Variants in WNT7A observed in about 807,000 individuals in gnomAD.
WNT7A encodes the protein Wnt family member 7A.
In WNT7A, 16 loss-of-function variants were observed where a neutral mutation model predicts 28.2. That is an observed-to-expected ratio of 0.57 (90% CI 0.38 to 0.86). The LOEUF is 0.86. WNT7A is among the 40% of genes least tolerant of loss of function. The pLI, the probability that WNT7A is intolerant of heterozygous loss-of-function variation, is 0.00. For synonymous variants in WNT7A, 190 were observed against 195.9 expected (o/e 0.97, Z 0.25); for missense variants, 411 against 489.7 (o/e 0.84, Z 1.52).
intron 3 of WNT7A, among the ~76,000 whole-genome samples, chr3:13,834,383 T>C (rs2124838920): frequency 6.6e-6 from 1 of 151,592 alleles, no homozygotes; most frequent in East Asian, 1.9e-4. Context: ...ATGCTGGGGG[T>C]CGGGTGCACA....
chr3:13,820,127 A>G (rs1575057719), intron 3 of WNT7A, among the ~76,000 whole-genome samples: 1 of 152,040 alleles, frequency 6.6e-6, no homozygotes, highest in East Asian at 1.9e-4. Context: ...CCCTTCCTCC[A>G]CCATCCTAAG....
intron 2 of WNT7A, among the ~76,000 whole-genome samples, chr3:13,858,102 C>A (rs1290884360): frequency 2.0e-5 from 3 of 152,208 alleles, no homozygotes. Flanking sequence ...ATGTGGGCAG[C>A]AGAGCTGAGC....
chr3:13,859,282 G>A (rs1694792318), intron 2 of WNT7A, among the ~76,000 whole-genome samples: 1 of 152,166 alleles, frequency 6.6e-6, no homozygotes, highest in Non-Finnish European at 1.5e-5. Context: ...CCTCCAAAAT[G>A]TGTGAGGGGT....
Position 13,875,139 on chromosome 3 carries a change from T to C in WNT7A, c.106A>G (p.Ile36Val). The C allele has an allele frequency of 3.7e-6, 6 of 1,614,136 alleles. No homozygotes were observed. Among genetic ancestry groups the C allele is most frequent in the Non-Finnish European group, 5.1e-6 (6 of 1,180,018 alleles). Residue 36 changes from isoleucine (I) to valine (V), a missense_variant, in exon 2 of 4, where the codon ATC becomes GTC. By Grantham distance (29) the Ile-to-Val change is conservative. Transcript: ENST00000285018. ...AGGCCTGGGATCTTGTTACAGATGA[T>C]GCTTGCGCCCAGAGCTACCACTGAG... ...FSSVVALGAS[I>V]ICNKIPGLAP...
chr3:13,863,741 G>A (rs1694869679), intron 2 of WNT7A: 1 of 152,216 alleles, frequency 6.6e-6, no homozygotes, highest in Admixed American at 6.5e-5. Flanking sequence ...CCTTGCTTCT[G>A]TCTCTCTCAC....
chr3:13,835,005 G>A (rs1328470351), intron 3 of WNT7A, among the ~76,000 whole-genome samples: 1 of 152,212 alleles, frequency 6.6e-6, no homozygotes, highest in African/African-American at 2.4e-5. Context: ...GAGTGATCAG[G>A]TAAGGAAGTG....
intron 3 of WNT7A, among the ~76,000 whole-genome samples, chr3:13,827,076 C>T (rs1192324738): frequency 6.6e-6 from 1 of 152,154 alleles, no homozygotes; most frequent in Non-Finnish European, 1.5e-5. Context: ...GGTCTGCAGG[C>T]CTGACCCAGG....
At chr3:13,864,523 G>A (rs561392750) in intron 2 of WNT7A, among the ~76,000 whole-genome samples, 1 of 152,122 alleles carries the variant, frequency 6.6e-6, no homozygotes, top group Non-Finnish European at 1.5e-5. Context: ...CCCAGTGCCT[G>A]TTTCTCTTCC....
intron 3 of WNT7A, among the ~76,000 whole-genome samples, chr3:13,845,064 AG>A (rs1303482313): frequency 3.9e-5 from 6 of 152,218 alleles, no homozygotes; most frequent in Non-Finnish European, 8.8e-5. Context: ...GGGGGCTCTC[AG>A]GGCCTCGCCA....
chr3:13,835,758 A>G (rs1694356966), intron 3 of WNT7A, among the ~76,000 whole-genome samples: 2 of 152,268 alleles, frequency 1.3e-5, no homozygotes, highest in East Asian at 1.9e-4. Flanking sequence ...AATAACCAAA[A>G]GATGAAACAA....
intron 1 of WNT7A, among the ~76,000 whole-genome samples, chr3:13,878,375 G>T (rs945239077): frequency 2.0e-4 from 30 of 152,172 alleles, no homozygotes; most frequent in Non-Finnish European, 1.3e-4. Flanking sequence ...TGCTGAATGT[G>T]CGCGGGGCGG....
At chr3:13,861,185 C>G (rs958010355) in intron 2 of WNT7A, among the ~76,000 whole-genome samples, 1 of 152,232 alleles carries the variant, frequency 6.6e-6, no homozygotes, top group Non-Finnish European at 1.5e-5. Flanking sequence ...CCATGTGGAG[C>G]CTGTGAGTGA....
At chr3:13,855,361 C>G (rs1363809045) in intron 2 of WNT7A, among the ~76,000 whole-genome samples, 1 of 83,686 alleles carries the variant, frequency 1.2e-5, no homozygotes, top group Non-Finnish European at 2.0e-5. Flanking sequence ...TTTCTCATGG[C>G]AATGAGGGAG....
chr3:13,830,898 C>T (rs536517309), intron 3 of WNT7A, among the ~76,000 whole-genome samples: 1 of 152,278 alleles, frequency 6.6e-6, no homozygotes, highest in African/African-American at 2.4e-5. Flanking sequence ...GGTGGGCACA[C>T]TGGGTAAGTG....
In WNT7A at chr3:13,875,114, A is replaced by G; in HGVS notation, c.131T>C (p.Leu44Pro). 5 of 1,614,138 alleles carry G rather than the reference A, an allele frequency of 3.1e-6. No homozygotes were observed. The highest frequency in any genetic ancestry group is 4.2e-6 in the Non-Finnish European group (5 of 1,180,020). The change falls in exon 2 of 4, where the codon CTG becomes CCG. Residue 44 changes from leucine to proline, a missense_variant. By Grantham distance (98) the Leu-to-Pro change is moderately conservative. Transcript: ENST00000285018. ...ASIICNKIPG[L>P]APRQRAICQS... ...GCAGATCGCCCGCTGTCTGGGAGCC[A>G]GGCCTGGGATCTTGTTACAGATGAT... is the stretch of plus-strand genomic sequence containing the variant.
chr3:13,856,060 C>G (rs900946778), intron 2 of WNT7A, among the ~76,000 whole-genome samples: 3 of 152,148 alleles, frequency 2.0e-5, no homozygotes, highest in South Asian at 2.1e-4. Context: ...CTTGTCCCCC[C>G]ACCCCATCGC....
At chr3:13,829,177 T>G (rs1345249620) in intron 3 of WNT7A, among the ~76,000 whole-genome samples, 2 of 152,164 alleles carry the variant, frequency 1.3e-5, no homozygotes, top group East Asian at 3.9e-4. Context: ...GCTGACAAGG[T>G]GACAATGGCA....
chr3:13,873,747 G>A (rs753400297), intron 2 of WNT7A, among the ~76,000 whole-genome samples: 3 of 152,260 alleles, frequency 2.0e-5, no homozygotes, highest in Non-Finnish European at 2.9e-5. Flanking sequence ...CGACAAGGTC[G>A]AAAAGGTCTA....
At chr3:13,837,538 GTGAATGAATGAATGAA>G (rs59047870) in intron 3 of WNT7A, among the ~76,000 whole-genome samples, 2 of 149,780 alleles carry the variant, frequency 1.3e-5, no homozygotes, top group Non-Finnish European at 3.0e-5. Context: ...TTCTGGGTGA[GTGAATGAATGAATGAA>G]TGAATGAATG....
Sources: allele counts gnomAD v4.1 joint callset (sites outside exome capture counted in the v4.1 genomes callset), GRCh38; gene constraint gnomAD v4.1.1; transcripts MANE v1.5; gene names NCBI Gene and HGNC (gene_info 2026-07-23, HGNC 2026-07-21).